Variants in RSRP1 observed in about 807,000 individuals in gnomAD.
RSRP1 encodes the protein arginine/serine-rich protein 1.
A neutral mutation model predicts 33.0 loss-of-function variants in RSRP1; 37 were observed. That is an observed-to-expected ratio of 1.12 (90% CI 0.86 to 1.48). The LOEUF is 1.48. Ranked by LOEUF, RSRP1 falls within the 40% of genes most tolerant of loss-of-function variation. The pLI, the probability that RSRP1 is intolerant of heterozygous loss-of-function variation, is 0.00. For synonymous variants in RSRP1, 167 were observed against 158.7 expected, an observed-to-expected ratio of 1.05 and a Z score of -0.40; for missense variants, 402 against 385.3, an observed-to-expected ratio of 1.04 and a Z score of -0.36.
intron 1 of RSRP1, among the ~76,000 whole-genome samples, chr1:25,320,192 C>G (rs1644624823): frequency 7.6e-6 from 1 of 132,232 alleles, no homozygotes; most frequent in African/African-American, 2.6e-5. Context: ...GCCACTGCGA[C>G]CGGCCGACAA....
chr1:25,305,847 C>G (rs1400452074), intron 1 of RSRP1, among the ~76,000 whole-genome samples: 1 of 131,040 alleles, frequency 7.6e-6, no homozygotes, highest in Non-Finnish European at 1.8e-5. Flanking sequence ...GGTGATCCAC[C>G]CATGTCGGCC....
Position 25,328,999 on chromosome 1 carries a change from G to A in RSRP1, c.-67+8979C>T, listed in dbSNP as rs750782245. 38 of 1,375,580 alleles carry A rather than the reference G, an allele frequency of 2.8e-5. 11 individuals are homozygous for A. The highest frequency in any genetic ancestry group is 9.0e-5 in the East Asian group (4 of 44,580). The allele number at this position is 1,375,580 out of a possible 1,614,324, so 85.2% of individuals were successfully genotyped here. ...CTCTCACTGTTGCCTGCATTTGTAC[G>A]TGAGAAACGCTCATGACAGCAAAGT... On this transcript the variant is annotated intron_variant, in intron 1 of 1. Coordinates refer to the RSRP1 transcript ENST00000561867.
chr1:25,296,771 G>A (rs1642994417), intron 1 of RSRP1, among the ~76,000 whole-genome samples: 1 of 121,488 alleles, frequency 8.2e-6, no homozygotes, highest in Non-Finnish European at 2.0e-5. Flanking sequence ...CTGACACCAC[G>A]TAAGATGTGC....
In RSRP1 at chr1:25,301,698, G is replaced by A. The variant is rs144465944; in HGVS notation, c.-67+36280C>T. The stretch of plus-strand genomic sequence containing the variant: ...GGAAGATCAGCAAGGTGAGCAGGGC[G>A]CTGCCCTTGGGCAGCACTTGGGTCT... On this transcript the variant is annotated intron_variant, in intron 1 of 1. Transcript: ENST00000561867. 1.1e-3 allele frequency: 1,471 copies of A among 1,376,746 alleles called. 268 individuals are homozygous for A. In the African/African-American group the frequency reaches 0.018, roughly 17 times the overall value. 85.3% of individuals were successfully genotyped at this position (1,376,746 alleles called of 1,614,324 possible).
chr1:25,246,820 G>A lies in RSRP1; in HGVS notation c.144C>T (p.Arg48=). 1.2e-6 allele frequency: 2 copies of A among 1,613,462 alleles called. No homozygotes were observed. Among genetic ancestry groups the A allele is most frequent in the Non-Finnish European group, 1.7e-6 (2 of 1,179,814 alleles). ...TCCTGGACGAAAACCGGCTCGAGAC[G>A]CGGGAATGGGACCGAGAGCTTCTGG... is the stretch of plus-strand genomic sequence containing the variant. ...SFSRSSRSHS[R]VSSRFSSRSR... is the part of the protein sequence containing the mutation. Residue 48 remains arginine, a synonymous_variant, in exon 2 of 5, where the codon CGC becomes CGT. Coordinates refer to ENST00000243189, the MANE Select transcript of RSRP1 (RefSeq NM_020317.5).
Position 25,301,655 on chromosome 1 carries a change from C to T in RSRP1, c.-67+36323G>A, listed in dbSNP as rs1192006597. 18 of 1,380,102 alleles carry T rather than the reference C, an allele frequency of 1.3e-5. 5 individuals are homozygous for T. Among genetic ancestry groups the T allele is most frequent in the Non-Finnish European group, 1.8e-5 (18 of 979,140 alleles). The allele number at this position is 1,380,102 out of a possible 1,614,324, so 85.5% of individuals were successfully genotyped here. A position where few individuals can be genotyped will look rare whatever the true frequency, so the allele number is the denominator to read the frequency against. On this transcript the variant is annotated intron_variant, in intron 1 of 1. Coordinates refer to the RSRP1 transcript ENST00000561867. ...GTGGTGACAGCCATCTCAGGGTCAT[C>T]CTTGGCTCACCCCCAAGGGAAGATC...
intron 1 of RSRP1, among the ~76,000 whole-genome samples, chr1:25,260,652 T>G (rs1311702829): frequency 6.6e-6 from 1 of 152,206 alleles, no homozygotes; most frequent in Admixed American, 6.5e-5. Context: ...AGAAATTTAT[T>G]TCCTTATAGT....
At chr1:25,254,904 T>C (rs931374912) in intron 1 of RSRP1, among the ~76,000 whole-genome samples, 8 of 152,226 alleles carry the variant, frequency 5.3e-5, no homozygotes, top group Non-Finnish European at 7.3e-5. Flanking sequence ...TTGGTGCCTC[T>C]GTGTAACTGA....
upstream of RSRP1, among the ~76,000 whole-genome samples, chr1:25,251,868 CAT>C (rs1375414488): frequency 6.6e-6 from 1 of 151,662 alleles, no homozygotes; most frequent in Non-Finnish European, 1.5e-5. Flanking sequence ...TTCTTCAAGA[CAT>C]GTCAAATATA....
Position 25,266,542 on chromosome 1 carries a change from A to T in RSRP1, c.-66-19513T>A, listed in dbSNP as rs766726051. Among the ~76,000 whole-genome samples the T allele has an allele frequency of 8.5e-5, 11 of 128,716 alleles. 3 individuals are homozygous for T. The highest frequency in any genetic ancestry group is 2.3e-4 in the South Asian group (1 of 4,338). The allele number at this position is 128,716 out of a possible 152,430, so 84.4% of individuals were successfully genotyped here. Reference sequence around the variant, plus strand: ...GCTATAGATTGTATCATGCAGTTTTATCTACTAATCGGCTAATATCCCGCC... The same window carrying T: ...GCTATAGATTGTATCATGCAGTTTTTTCTACTAATCGGCTAATATCCCGCC... On this transcript the variant is annotated intron_variant, in intron 1 of 1. Transcript: ENST00000561867.
At chr1:25,248,706 C>T (rs959192889), upstream of RSRP1, among the ~76,000 whole-genome samples, 1 of 152,176 alleles carries the variant, frequency 6.6e-6, no homozygotes, top group Non-Finnish European at 1.5e-5. Flanking sequence ...CCCACATCTC[C>T]GCAGTTCATC....
Position 25,291,709 on chromosome 1 carries a change from T to C in RSRP1, c.-66-44680A>G, listed in dbSNP as rs1480010780. 5.3e-5 allele frequency among the ~76,000 whole-genome samples: 7 copies of C among 132,614 alleles called. 2 individuals carry two copies. The highest frequency in any genetic ancestry group is 1.3e-4 in the Non-Finnish European group (7 of 55,914). 87.0% of individuals were successfully genotyped at this position (132,614 alleles called of 152,430 possible). On this transcript the variant is annotated intron_variant, in intron 1 of 1. Coordinates refer to the RSRP1 transcript ENST00000561867. Reference sequence around the variant, plus strand: ...CAAGTTTGTACAGCCAGCATCTTCTTTCAGTCAGTGCGTGTCAGTAACTGC... The same window carrying C: ...CAAGTTTGTACAGCCAGCATCTTCTCTCAGTCAGTGCGTGTCAGTAACTGC...
intron 1 of RSRP1, among the ~76,000 whole-genome samples, chr1:25,289,267 C>T (rs2986151): frequency 0.019 from 2,511 of 131,966 alleles, 386 homozygotes; most frequent in African/African-American, 0.06. Context: ...CAGTCTCGGC[C>T]CACTGAAACC....
At chr1:25,264,185 C>CTCT (rs1026611030) in intron 1 of RSRP1, among the ~76,000 whole-genome samples, 1 of 151,868 alleles carries the variant, frequency 6.6e-6, no homozygotes, top group Non-Finnish European at 1.5e-5. Flanking sequence ...TCTGGAGGAC[C>CTCT]TCTTCTCACA....
rs752237488 is a variant in RSRP1 at position 25,321,950 on chromosome 1, A to G, written c.-67+16028T>C. ...ATGAGGCTAAATATTTTGATGACCA[A>G]GTTTTCTGGAAGGTAAGATTTTTCA... On this transcript the variant is annotated intron_variant, in intron 1 of 1. Coordinates refer to the RSRP1 transcript ENST00000561867. The G allele has an allele frequency of 2.6e-5, 34 of 1,323,302 alleles. 6 individuals are homozygous for G. The South Asian group carries it at 3.7e-4, about 14-fold the overall frequency. 82.0% of individuals were successfully genotyped at this position (1,323,302 alleles called of 1,614,324 possible).
At chr1:25,276,557 T>TAAAAAAAAAAAAAAA (rs1641013640) in intron 1 of RSRP1, among the ~76,000 whole-genome samples, 1 of 77,574 alleles carries the variant, frequency 1.3e-5, no homozygotes, top group African/African-American at 7.6e-5. Context: ...AAAAAAAAAC[T>TAAAAAAAAAAAAAAA]TTAAAATTTA....
At chr1:25,261,432 T>C (rs1485077352) in intron 1 of RSRP1, among the ~76,000 whole-genome samples, 1 of 148,132 alleles carries the variant, frequency 6.8e-6, no homozygotes, top group Non-Finnish European at 1.5e-5. Context: ...TGAGACAGAG[T>C]CTCACTCTGT....
intron 1 of RSRP1, chr1:25,301,378 A>G: frequency 1.2e-6 from 1 of 835,344 alleles, no homozygotes; most frequent in South Asian, 1.5e-5. Context: ...GAGAGCTCGG[A>G]GGGGAGACGT....
chr1:25,291,015 G>C (rs1397939050), intron 1 of RSRP1, among the ~76,000 whole-genome samples: 1 of 131,516 alleles, frequency 7.6e-6, no homozygotes, highest in Non-Finnish European at 1.8e-5. Context: ...CAGTTGTGGT[G>C]GCATGCACCT....
Sources: gnomAD v4.1 joint callset for allele counts (sites outside exome capture counted in the v4.1 genomes callset) on GRCh38, gnomAD v4.1.1 for gene constraint, MANE v1.5 for transcripts, NCBI Gene and HGNC (gene_info 2026-07-23, HGNC 2026-07-21) for gene names.